The following TMEM243 variants were observed in gnomAD, a reference collection of about 807,000 sequenced individuals.
TMEM243 encodes MDR1 and mitochondrial taxol resistance associated.
In TMEM243, 20 loss-of-function variants were observed where a neutral mutation model predicts 15.0. The observed-to-expected ratio is 1.33, with a 90% confidence interval of 0.94 to 1.93. The LOEUF (loss-of-function observed/expected upper bound fraction) is 1.93, where lower values mean the gene tolerates loss of function less well. Ranked by LOEUF, TMEM243 falls within the 30% of genes most tolerant of loss-of-function variation. TMEM243 has a pLI of 0.00. For synonymous variants in TMEM243, 72 were observed against 52.7 expected (o/e 1.37, Z -1.59); for missense variants, 156 against 142.1 (o/e 1.10, Z -0.50).
chr7:87,200,931 C>G (rs1437677152), intron 1 of TMEM243, among the ~76,000 whole-genome samples: 3 of 152,208 alleles, frequency 2.0e-5, no homozygotes, highest in Non-Finnish European at 4.4e-5. Context: ...GCTTACCTTT[C>G]AAGAATGATT....
At chr7:87,200,772 G>C (rs1050557558) in intron 1 of TMEM243, among the ~76,000 whole-genome samples, 1 of 152,152 alleles carries the variant, frequency 6.6e-6, no homozygotes, top group Non-Finnish European at 1.5e-5. Flanking sequence ...ATACCATTAA[G>C]TGATAAAGAC....
rs1015098302 is a variant in TMEM243, at chr7:87,197,299, AACTCAG to A, written c.235-547_235-542del. Among the ~76,000 whole-genome samples, 35 of 151,658 alleles carry A rather than the reference AACTCAG, an allele frequency of 2.3e-4. No homozygotes were observed. In the South Asian group the frequency reaches 6.8e-3, roughly 30 times the overall value. On this transcript the variant is annotated intron_variant, in intron 3 of 3. Transcript: ENST00000257637. ...GGTGTCTCCTGGTTTAATTAATTTT[AACTCAG>A]ATAAGCAAATTACTATTGTTTTTTC...
chr7:87,197,191 G>A (rs1185943874), intron 3 of TMEM243, among the ~76,000 whole-genome samples: 1 of 152,110 alleles, frequency 6.6e-6, no homozygotes, highest in African/African-American at 2.4e-5. Context: ...TAGGGGAACA[G>A]GAAAGCTCCC....
intron 3 of TMEM243, among the ~76,000 whole-genome samples, chr7:87,197,332 T>TTTGA (rs1203348779): frequency 6.6e-6 from 1 of 152,072 alleles, no homozygotes; most frequent in East Asian, 1.9e-4. Context: ...TGTTTTTTCT[T>TTTGA]TTGATTCTGC....
intron 1 of TMEM243, among the ~76,000 whole-genome samples, chr7:87,218,146 G>A (rs1246620094): frequency 1.3e-5 from 2 of 151,992 alleles, no homozygotes; most frequent in African/African-American, 2.4e-5. Flanking sequence ...ATTTGTCTAC[G>A]TTTTTTTTCT....
chr7:87,209,791 A>C (rs1049232860), intron 1 of TMEM243, among the ~76,000 whole-genome samples: 1 of 148,288 alleles, frequency 6.7e-6, no homozygotes, highest in Non-Finnish European at 1.5e-5. Context: ...AGACAGTGAG[A>C]GCGAGACAGA....
chr7:87,205,508 C>A (rs1433059990), intron 1 of TMEM243, among the ~76,000 whole-genome samples: 7 of 152,164 alleles, frequency 4.6e-5, no homozygotes, highest in Non-Finnish European at 1.0e-4. Flanking sequence ...GAATGCTTTG[C>A]TGCTTAGAAA....
intron 3 of TMEM243, chr7:87,197,725 A>C: frequency 2.9e-6 from 2 of 699,456 alleles, no homozygotes; most frequent in Admixed American, 5.7e-5. Context: ...TTAAGCTATC[A>C]AGGGAGTGGA....
At chr7:87,208,659 G>A (rs1013860869) in intron 1 of TMEM243, among the ~76,000 whole-genome samples, 2 of 152,232 alleles carry the variant, frequency 1.3e-5, no homozygotes, top group Non-Finnish European at 2.9e-5. Context: ...GGGAAGGTAA[G>A]GACCATGTCT....
In TMEM243 at chr7:87,219,490, G is replaced by A. The variant is rs1308813979; in HGVS notation, c.14C>T (p.Ala5Val). MEDFATRTYGTSGLD... is the reference protein window; with the variant it reads MEDFVTRTYGTSGLD... ...GCCACTGGTGCCGTAGGTCCTGGTA[G>A]CAAAGTCCTCCATTTTGGGGTTTCT... is the stretch of plus-strand genomic sequence containing the variant. Residue 5 changes from alanine to valine, a missense_variant, in exon 1 of 4, where the codon GCT becomes GTT. Physicochemically the swap from Ala to Val is moderately conservative, Grantham distance 64. Coordinates refer to ENST00000257637, the MANE Select transcript of TMEM243 (RefSeq NM_024315.4). The A allele has an allele frequency of 6.2e-7, 1 of 1,614,112 alleles. No individual in the cohort carries two copies. Among genetic ancestry groups the A allele is most frequent in the African/African-American group, 1.3e-5 (1 of 74,952 alleles).
rs542681738 is a variant in TMEM243, at chr7:87,209,303, GGGGTGGGAAA to G, written c.78+10113_78+10122del. On this transcript the variant is annotated intron_variant, in intron 1 of 3. Coordinates refer to ENST00000257637, the MANE Select transcript of TMEM243 (RefSeq NM_024315.4). ...GCTACATATTACATGGCAGCATGAG[GGGGTGGGAAA>G]GGGTGGGAATGAGGGAGACTGGGGA... 1.0e-3 allele frequency among the ~76,000 whole-genome samples: 152 copies of G among 152,232 alleles called. 1 individual carries two copies. Among genetic ancestry groups the G allele is most frequent in the African/African-American group, 3.5e-3 (146 of 41,510 alleles).
chr7:87,201,954 A>C (rs1329266221), intron 1 of TMEM243, among the ~76,000 whole-genome samples: 1 of 152,228 alleles, frequency 6.6e-6, no homozygotes, highest in African/African-American at 2.4e-5. Flanking sequence ...ATACAGATTT[A>C]GGATTTCCTT....
At chr7:87,203,195 A>G (rs1801946289) in intron 1 of TMEM243, among the ~76,000 whole-genome samples, 2 of 152,350 alleles carry the variant, frequency 1.3e-5, no homozygotes, top group Non-Finnish European at 2.9e-5. Flanking sequence ...TACTTCCAAA[A>G]TGAATTTCAA....
At chr7:87,215,622 T>A (rs1052388752) in intron 1 of TMEM243, among the ~76,000 whole-genome samples, 13 of 152,182 alleles carry the variant, frequency 8.5e-5, no homozygotes, top group Admixed American at 2.6e-4. Flanking sequence ...CTTGGAAACT[T>A]CAGATATTTC....
chr7:87,197,567 T>TGCTCTA, intron 3 of TMEM243: 1 of 408,936 alleles, frequency 2.4e-6, no homozygotes, highest in Non-Finnish European at 4.1e-6. Context: ...AAATCCAGAG[T>TGCTCTA]GCTCTATCTC....
chr7:87,200,490 G>C (rs1222609737), intron 1 of TMEM243, among the ~76,000 whole-genome samples: 1 of 152,128 alleles, frequency 6.6e-6, no homozygotes, highest in Non-Finnish European at 1.5e-5. Context: ...GCTGCTCTCT[G>C]AGCGCCAGGG....
At chr7:87,197,554 A>G (rs1279478238) in intron 3 of TMEM243, 2 of 375,204 alleles carry the variant, frequency 5.3e-6, no homozygotes, top group Admixed American at 9.2e-5. Flanking sequence ...AATAATTAGA[A>G]TTAAATCCAG....
chr7:87,197,559 A>ATCCAGAGTGCTCTATCTCT, intron 3 of TMEM243: 1 of 391,340 alleles, frequency 2.6e-6, no homozygotes, highest in Non-Finnish European at 4.3e-6. Context: ...TTAGAATTAA[A>ATCCAGAGTGCTCTATCTCT]TCCAGAGTGC....
intron 1 of TMEM243, among the ~76,000 whole-genome samples, chr7:87,208,304 G>A (rs992491718): frequency 1.3e-5 from 2 of 152,132 alleles, no homozygotes; most frequent in Non-Finnish European, 2.9e-5. Flanking sequence ...ATAGGCATTG[G>A]GTAAATACAC....
Sources: gnomAD v4.1 joint callset for allele counts (sites outside exome capture counted in the v4.1 genomes callset) on GRCh38, gnomAD v4.1.1 for gene constraint, MANE v1.5 for transcripts, NCBI Gene and HGNC (gene_info 2026-07-23, HGNC 2026-07-21) for gene names.